The following KHDRBS2 variants were observed in gnomAD, a reference collection of about 807,000 sequenced individuals.
KHDRBS2 encodes KH domain-containing, RNA-binding, signal transduction-associated protein 2.
In KHDRBS2, 26 loss-of-function variants were observed where a neutral mutation model predicts 44.3. The ratio of observed to expected loss-of-function variants is 0.59; its 90% CI spans 0.43 to 0.81. KHDRBS2 has a LOEUF of 0.81. Among genes scored for constraint, KHDRBS2 ranks in the 40% least tolerant of loss-of-function variants. The pLI is 0.00. For synonymous variants in KHDRBS2, 194 were observed against 151.1 expected (o/e 1.28, Z -2.08); for missense variants, 476 against 433.1 (o/e 1.10, Z -0.88).
intron 1 of KHDRBS2, among the ~76,000 whole-genome samples, chr6:62,217,502 A>T (rs550648244): frequency 1.3e-5 from 2 of 152,000 alleles, no homozygotes; most frequent in East Asian, 1.9e-4. Flanking sequence ...TTTCAAACAC[A>T]TAGTTGGTAA....
At chr6:62,102,021 A>T (rs1393557313) in intron 2 of KHDRBS2, among the ~76,000 whole-genome samples, 1 of 152,236 alleles carries the variant, frequency 6.6e-6, no homozygotes, top group Admixed American at 6.5e-5. Flanking sequence ...GTAAGCAAAT[A>T]CACTAGTTAT....
intron 4 of KHDRBS2, among the ~76,000 whole-genome samples, chr6:61,941,896 T>G (rs1184387592): frequency 6.6e-6 from 1 of 151,974 alleles, no homozygotes; most frequent in East Asian, 1.9e-4. Context: ...ATAATAATAC[T>G]CCAGCAAAAG....
At chr6:61,833,688 GC>G (rs1355780646) in intron 6 of KHDRBS2, among the ~76,000 whole-genome samples, 1 of 152,052 alleles carries the variant, frequency 6.6e-6, no homozygotes. Flanking sequence ...TCTTCCAAGG[GC>G]AAATGCATTT....
the KHDRBS2 span, among the ~76,000 whole-genome samples, chr6:61,543,727 G>A: frequency 1.3e-5 from 2 of 152,042 alleles, no homozygotes; most frequent in African/African-American, 4.8e-5. Context: ...TGAATGGATA[G>A]CAAACATGTG....
At chr6:61,861,742 C>A (rs1327231234) in intron 6 of KHDRBS2, among the ~76,000 whole-genome samples, 1 of 151,190 alleles carries the variant, frequency 6.6e-6, no homozygotes, top group East Asian at 2.0e-4. Context: ...TTTTCTAATT[C>A]TGTAAAGGAT....
intron 5 of KHDRBS2, among the ~76,000 whole-genome samples, chr6:61,898,937 C>G (rs1803437602): frequency 6.6e-6 from 1 of 151,862 alleles, no homozygotes; most frequent in Admixed American, 6.6e-5. Flanking sequence ...TTAATGAATG[C>G]AGACACTTGA....
At chr6:61,787,548 G>A (rs1694578285) in intron 6 of KHDRBS2, among the ~76,000 whole-genome samples, 1 of 151,620 alleles carries the variant, frequency 6.6e-6, no homozygotes, top group South Asian at 2.1e-4. Flanking sequence ...AAATGTCAAA[G>A]GTTTCATATT....
intron 6 of KHDRBS2, among the ~76,000 whole-genome samples, chr6:61,741,368 C>T (rs2127564046): frequency 6.6e-6 from 1 of 152,022 alleles, no homozygotes; most frequent in East Asian, 1.9e-4. Flanking sequence ...AGGGAATCAT[C>T]ACATAAAAAT....
intron 2 of KHDRBS2, among the ~76,000 whole-genome samples, chr6:62,058,504 G>A (rs555659585): frequency 6.6e-6 from 1 of 151,888 alleles, no homozygotes; most frequent in South Asian, 2.1e-4. Flanking sequence ...CTCTATCCTT[G>A]TGTTTGTTGC....
At chr6:61,842,533 T>C (rs985787919) in intron 6 of KHDRBS2, among the ~76,000 whole-genome samples, 2 of 152,168 alleles carry the variant, frequency 1.3e-5, no homozygotes, top group Admixed American at 1.3e-4. Context: ...CAGTGTGAAA[T>C]AGCATTAGTA....
At chr6:61,556,843 T>G in the KHDRBS2 span, among the ~76,000 whole-genome samples, 6 of 151,624 alleles carry the variant, frequency 4.0e-5, no homozygotes, top group Admixed American at 1.3e-4. Context: ...GTTACTGATT[T>G]ATCAAGGACA....
chr6:62,023,385 G>A (rs1782689900), intron 3 of KHDRBS2, among the ~76,000 whole-genome samples: 2 of 151,550 alleles, frequency 1.3e-5, no homozygotes, highest in Admixed American at 1.3e-4. Flanking sequence ...TTGGTTTTCA[G>A]CATAGATATT....
the KHDRBS2 span, among the ~76,000 whole-genome samples, chr6:61,567,192 C>T: frequency 1.1e-4 from 17 of 152,054 alleles, no homozygotes; most frequent in Non-Finnish European, 1.9e-4. Context: ...AAAGATATTT[C>T]TGGGTTGTGG....
chr6:61,815,015 AG>A (rs1788687115), intron 6 of KHDRBS2, among the ~76,000 whole-genome samples: 1 of 152,146 alleles, frequency 6.6e-6, no homozygotes, highest in East Asian at 1.9e-4. Flanking sequence ...TGTAAATGCT[AG>A]GTAAATAGTA....
chr6:62,194,145 C>T (rs987877513), intron 1 of KHDRBS2, among the ~76,000 whole-genome samples: 26 of 152,060 alleles, frequency 1.7e-4, no homozygotes, highest in Non-Finnish European at 2.9e-5. Flanking sequence ...AAACCACTGC[C>T]TAACCCATAG....
the KHDRBS2 span, among the ~76,000 whole-genome samples, chr6:61,618,338 G>A: frequency 6.6e-6 from 1 of 152,160 alleles, no homozygotes; most frequent in African/African-American, 2.4e-5. Flanking sequence ...CCGCATGCAT[G>A]ACATGACCAA....
chr6:62,123,429 G>A (rs1394758427), intron 2 of KHDRBS2, among the ~76,000 whole-genome samples: 1 of 152,184 alleles, frequency 6.6e-6, no homozygotes, highest in African/African-American at 2.4e-5. Context: ...TGGGATGGCT[G>A]CGTCAAACAG....
intron 3 of KHDRBS2, among the ~76,000 whole-genome samples, chr6:62,022,634 A>T (rs376841865): frequency 2.6e-5 from 4 of 151,656 alleles, no homozygotes; most frequent in African/African-American, 4.8e-5. Context: ...TGTTAATTTC[A>T]TCCTGATGAA....
At chr6:61,829,802 C>T (rs564614163) in intron 6 of KHDRBS2, among the ~76,000 whole-genome samples, 1 of 152,228 alleles carries the variant, frequency 6.6e-6, no homozygotes, top group Non-Finnish European at 1.5e-5. Flanking sequence ...GTAGTCAGGA[C>T]AAAGACTGGA....
Sources: gnomAD v4.1 joint callset for allele counts (sites outside exome capture counted in the v4.1 genomes callset) on GRCh38, gnomAD v4.1.1 for gene constraint, MANE v1.5 for transcripts, NCBI Gene and HGNC (gene_info 2026-07-23, HGNC 2026-07-21) for gene names.